The following NELL1 variants were observed in gnomAD, a reference collection of about 807,000 sequenced individuals.
NELL1 encodes protein kinase C-binding protein NELL1.
A neutral mutation model predicts 107.4 loss-of-function variants in NELL1; 76 were observed. That is an observed-to-expected ratio of 0.71 (90% CI 0.59 to 0.86). The LOEUF (loss-of-function observed/expected upper bound fraction) is 0.86. Among genes scored for constraint, NELL1 ranks in the 40% least tolerant of loss-of-function variants. The probability of loss-of-function intolerance (pLI) is 0.00; values close to 1 mark genes in which losing one functional copy is unlikely to be tolerated. For missense variants in NELL1, 1,024 were observed against 1,005.5 expected, an observed-to-expected ratio of 1.02 and a Z score of -0.25; for synonymous variants, 353 against 341.2, an observed-to-expected ratio of 1.03 and a Z score of -0.38.
intron 3 of NELL1, among the ~76,000 whole-genome samples, chr11:20,793,225 C>T (rs1203524394): frequency 6.6e-6 from 1 of 151,822 alleles, no homozygotes; most frequent in Non-Finnish European, 1.5e-5. Flanking sequence ...TACTTTTGAG[C>T]TCTTCTTGGG....
At chr11:21,476,910 A>C (rs1171602901) in intron 15 of NELL1, among the ~76,000 whole-genome samples, 4 of 152,196 alleles carry the variant, frequency 2.6e-5, no homozygotes. Flanking sequence ...CACTTGGTGC[A>C]GCTCTAGCGA....
At chr11:21,534,156 A>G (rs940525945) in intron 15 of NELL1, among the ~76,000 whole-genome samples, 66 of 152,336 alleles carry the variant, frequency 4.3e-4, no homozygotes, top group South Asian at 6.2e-4. Context: ...ATAAGCTCTC[A>G]TTCATTGTTC....
At chr11:21,321,096 T>C (rs770362401) in intron 14 of NELL1, among the ~76,000 whole-genome samples, 10 of 152,200 alleles carry the variant, frequency 6.6e-5, no homozygotes, top group African/African-American at 1.7e-4. Flanking sequence ...CTTCATCCAT[T>C]GTCTTCCATC....
chr11:20,762,207 A>G (rs1449214489), intron 2 of NELL1, among the ~76,000 whole-genome samples: 1 of 152,208 alleles, frequency 6.6e-6, no homozygotes, highest in Non-Finnish European at 1.5e-5. Context: ...GACAAAGTAA[A>G]CACGGTTCAG....
chr11:20,701,035 G>T (rs1770878451), intron 2 of NELL1, among the ~76,000 whole-genome samples: 1 of 152,154 alleles, frequency 6.6e-6, no homozygotes, highest in African/African-American at 2.4e-5. Flanking sequence ...GTAATGGGAT[G>T]GCTGGGTCAA....
intron 12 of NELL1, among the ~76,000 whole-genome samples, chr11:21,095,610 CT>C (rs538828608): frequency 1.7e-3 from 265 of 152,008 alleles, no homozygotes; most frequent in African/African-American, 6.0e-3. Context: ...TAAGTCACGT[CT>C]TTTTTCTTTT....
chr11:21,069,720 T>G (rs566812161), intron 12 of NELL1, among the ~76,000 whole-genome samples: 98 of 152,314 alleles, frequency 6.4e-4, no homozygotes, highest in African/African-American at 2.3e-3. Flanking sequence ...CTTTCTTGAC[T>G]GAAATGATTG....
chr11:20,980,731 C>T (rs1393411232), intron 12 of NELL1, among the ~76,000 whole-genome samples: 3 of 152,156 alleles, frequency 2.0e-5, no homozygotes, highest in Non-Finnish European at 4.4e-5. Flanking sequence ...AATGCCCTAC[C>T]CCATAGTCTG....
chr11:21,491,728 T>A (rs552239891), intron 15 of NELL1, among the ~76,000 whole-genome samples: 1 of 152,286 alleles, frequency 6.6e-6, no homozygotes, highest in Admixed American at 6.5e-5. Context: ...TTTCCAATTC[T>A]CTGAAGAAAG....
chr11:20,781,748 A>G (rs1031421182), intron 2 of NELL1, among the ~76,000 whole-genome samples: 2 of 152,010 alleles, frequency 1.3e-5, no homozygotes, highest in African/African-American at 4.8e-5. Context: ...AGTAATGATA[A>G]TAGGGTGCAG....
intron 12 of NELL1, among the ~76,000 whole-genome samples, chr11:21,045,532 C>G (rs1476227304): frequency 6.6e-6 from 1 of 152,178 alleles, no homozygotes; most frequent in African/African-American, 2.4e-5. Context: ...TCCTCACAAT[C>G]TGTATTAGCA....
intron 14 of NELL1, among the ~76,000 whole-genome samples, chr11:21,335,161 G>A (rs1373878961): frequency 6.6e-6 from 1 of 151,930 alleles, no homozygotes; most frequent in Non-Finnish European, 1.5e-5. Flanking sequence ...TTTTAAAATA[G>A]CATTTTAAAT....
chr11:21,125,178 G>T (rs1855460150), intron 13 of NELL1, among the ~76,000 whole-genome samples: 1 of 152,110 alleles, frequency 6.6e-6, no homozygotes. Context: ...CAAGGCAGTT[G>T]GTCCAGATTT....
At chr11:21,036,645 G>C (rs558076779) in intron 12 of NELL1, among the ~76,000 whole-genome samples, 1 of 151,922 alleles carries the variant, frequency 6.6e-6, no homozygotes, top group South Asian at 2.1e-4. Flanking sequence ...CTGCACTCTT[G>C]GAAATTTATT....
chr11:20,731,401 T>C (rs554985530), intron 2 of NELL1, among the ~76,000 whole-genome samples: 2 of 151,916 alleles, frequency 1.3e-5, no homozygotes, highest in Admixed American at 1.3e-4. Flanking sequence ...GTAGGAACCT[T>C]TGCTTCTAGC....
chr11:21,285,609 A>C (rs1013172598), intron 14 of NELL1, among the ~76,000 whole-genome samples: 1 of 152,178 alleles, frequency 6.6e-6, no homozygotes, highest in Admixed American at 6.5e-5. Context: ...TCTTCTGGAA[A>C]GGGGATTCTT....
At chr11:21,462,424 G>T (rs1224597451) in intron 15 of NELL1, among the ~76,000 whole-genome samples, 1 of 152,048 alleles carries the variant, frequency 6.6e-6, no homozygotes, top group East Asian at 1.9e-4. Context: ...AAGGTAGGAT[G>T]GTTAAAATAG....
chr11:21,569,725 T>A (rs1857055529), intron 17 of NELL1, among the ~76,000 whole-genome samples: 2 of 151,754 alleles, frequency 1.3e-5, no homozygotes, highest in South Asian at 2.1e-4. Flanking sequence ...GAAGTCTGAT[T>A]TTTTACATTA....
chr11:20,800,988 T>C (rs1857270922), intron 3 of NELL1, among the ~76,000 whole-genome samples: 1 of 152,126 alleles, frequency 6.6e-6, no homozygotes, highest in African/African-American at 2.4e-5. Flanking sequence ...TTTCCAACAT[T>C]TGAAAATTGA....
Sources: allele counts gnomAD v4.1 joint callset (sites outside exome capture counted in the v4.1 genomes callset), GRCh38; gene constraint gnomAD v4.1.1; transcripts MANE v1.5; gene names NCBI Gene and HGNC (gene_info 2026-07-23, HGNC 2026-07-21).